Variants in SAMD5 observed in about 807,000 individuals in gnomAD.
The protein encoded by SAMD5 is sterile alpha motif domain-containing protein 5.
SAMD5 carries 13 observed loss-of-function variants against 11.3 expected under a neutral mutation model. The observed-to-expected ratio is 1.15, with a 90% CI of 0.75 to 1.83. The LOEUF is 1.83. SAMD5 is among the 40% of genes most tolerant of loss of function. The probability of loss-of-function intolerance (pLI) is 0.00; values close to 1 mark genes in which losing one functional copy is unlikely to be tolerated. For missense variants in SAMD5, 255 were observed against 239.1 expected (o/e 1.07, Z -0.44); for synonymous variants, 129 against 111.3 (o/e 1.16, Z -1.00).
chr6:147,594,409 ATAAC>A (rs972076494), intron 1 of SAMD5, among the ~76,000 whole-genome samples: 1 of 152,188 alleles, frequency 6.6e-6, no homozygotes, highest in African/African-American at 2.4e-5. Flanking sequence ...AAATGAGACT[ATAAC>A]TAAGTTCACG....
intron 1 of SAMD5, among the ~76,000 whole-genome samples, chr6:147,597,861 A>G (rs1349080694): frequency 6.6e-6 from 1 of 152,150 alleles, no homozygotes; most frequent in African/African-American, 2.4e-5. Context: ...TCCTCTGGGC[A>G]TGACTGACCC....
At chr6:147,616,468 G>T (rs530211506) in intron 1 of SAMD5, among the ~76,000 whole-genome samples, 1 of 152,102 alleles carries the variant, frequency 6.6e-6, no homozygotes, top group Non-Finnish European at 1.5e-5. Flanking sequence ...GTCTGCAGCA[G>T]TGACTGCATT....
chr6:147,690,598 G>A (rs541613732), intron 1 of SAMD5, among the ~76,000 whole-genome samples: 76 of 152,250 alleles, frequency 5.0e-4, no homozygotes, highest in African/African-American at 1.8e-3. Context: ...GCAGTGAGCC[G>A]AGATTGCACC....
intron 1 of SAMD5, among the ~76,000 whole-genome samples, chr6:147,524,140 CTCTT>C (rs1788297332): frequency 6.6e-6 from 1 of 152,108 alleles, no homozygotes; most frequent in African/African-American, 2.4e-5. Flanking sequence ...ATTTCTCTCT[CTCTT>C]AATGTGATCC....
At position 147,565,387 on chromosome 6, in the gene SAMD5, G is replaced by T. The variant is rs536742814; in HGVS notation, c.*931G>T. Reference sequence around the variant, plus strand: ...GCTGAAAAAGAAAGTAGATTGAGGTGGGGGGAGGAAATTAACAGGAATCTA... The same window carrying T: ...GCTGAAAAAGAAAGTAGATTGAGGTTGGGGGAGGAAATTAACAGGAATCTA... On this transcript the variant is annotated 3_prime_UTR_variant, in exon 2 of 2. Coordinates refer to ENST00000367474, the MANE Select transcript of SAMD5 (RefSeq NM_001030060.3). 28 of 985,400 alleles carry T rather than the reference G, an allele frequency of 2.8e-5. No individual in the cohort carries two copies. The East Asian group carries it at 3.1e-3, about 108-fold the overall frequency. The allele number at this position is 985,400 out of a possible 1,614,324, so 61.0% of individuals were successfully genotyped here.
At position 147,691,689 on chromosome 6, in the gene SAMD5, A is replaced by G. The variant is rs1032057262; in HGVS notation, c.163-45628A>G. Among the ~76,000 whole-genome samples, 56 of 152,262 alleles carry G rather than the reference A, an allele frequency of 3.7e-4. 1 individual carries two copies. Among genetic ancestry groups the G allele is most frequent in the African/African-American group, 1.2e-3 (51 of 41,550 alleles). On this transcript the variant is annotated intron_variant, in intron 1 of 1. Coordinates refer to the SAMD5 transcript ENST00000566741. ...AAAGCAACTATTTCCTTGCTTTGATAGTGTATATCTCAATCTTGACCCCAG... is the reference window on the plus strand; with the variant it reads ...AAAGCAACTATTTCCTTGCTTTGATGGTGTATATCTCAATCTTGACCCCAG...
chr6:147,574,779 A>T (rs117515788), downstream of SAMD5, among the ~76,000 whole-genome samples: 1 of 152,244 alleles, frequency 6.6e-6, no homozygotes, highest in East Asian at 1.9e-4. Context: ...TTTATGAGGA[A>T]CTTAATACCA....
intron 1 of SAMD5, among the ~76,000 whole-genome samples, chr6:147,587,966 T>C (rs1178568699): frequency 6.6e-6 from 1 of 152,218 alleles, no homozygotes; most frequent in East Asian, 1.9e-4. Flanking sequence ...CTTTGCATTT[T>C]TCAAAATATG....
chr6:147,884,644 A>T, the SAMD5 span, among the ~76,000 whole-genome samples: 1 of 90,716 alleles, frequency 1.1e-5, no homozygotes, highest in Non-Finnish European at 2.2e-5. Flanking sequence ...ATTTTAAAAA[A>T]CTTTCAACCT....
the SAMD5 span, among the ~76,000 whole-genome samples, chr6:147,907,583 T>G: frequency 6.6e-6 from 1 of 152,198 alleles, no homozygotes; most frequent in African/African-American, 2.4e-5. Flanking sequence ...GCAAATAATG[T>G]GGAGAAAACA....
intron 1 of SAMD5, among the ~76,000 whole-genome samples, chr6:147,539,876 T>G (rs1788572057): frequency 6.6e-6 from 1 of 152,138 alleles, no homozygotes; most frequent in South Asian, 2.1e-4. Context: ...AAAAAATCCT[T>G]AAAAATTTTT....
At chr6:147,722,285 T>C (rs565700221) in intron 1 of SAMD5, among the ~76,000 whole-genome samples, 8 of 152,230 alleles carry the variant, frequency 5.3e-5, no homozygotes, top group Admixed American at 5.2e-4. Context: ...TTGTGTTTTT[T>C]TTTTCCCAAA....
intron 1 of SAMD5, among the ~76,000 whole-genome samples, chr6:147,640,439 G>A (rs569891285): frequency 7.3e-6 from 1 of 136,502 alleles, no homozygotes; most frequent in South Asian, 2.6e-4. Context: ...GGAGGTTGTA[G>A]TGAGCTGAGA....
intron 1 of SAMD5, among the ~76,000 whole-genome samples, chr6:147,731,300 C>T (rs1424547606): frequency 1.3e-5 from 2 of 152,142 alleles, no homozygotes; most frequent in African/African-American, 4.8e-5. Context: ...TGCATAACAG[C>T]ATAGCCCATA....
At chr6:147,885,602 G>A in the SAMD5 span, among the ~76,000 whole-genome samples, 1 of 152,184 alleles carries the variant, frequency 6.6e-6, no homozygotes, top group African/African-American at 2.4e-5. Context: ...AAAAAATTTA[G>A]AAGCAAGCAG....
Position 147,566,556 on chromosome 6 carries a change from G to C in SAMD5, c.*2100G>C, listed in dbSNP as rs763020270. 2 of 984,074 alleles carry C rather than the reference G, an allele frequency of 2.0e-6. No homozygotes were observed. Among genetic ancestry groups the C allele is most frequent in the African/African-American group, 3.5e-5 (2 of 57,180 alleles). 61.0% of individuals were successfully genotyped at this position (984,074 alleles called of 1,614,324 possible). ...CCTTATGAGGCAATCTACTGCAATG[G>C]AAAAAGGGTTCCTTGGTCATTTCAA... is the stretch of plus-strand genomic sequence containing the variant. On this transcript the variant is annotated 3_prime_UTR_variant, in exon 2 of 2. Coordinates refer to ENST00000367474, the MANE Select transcript of SAMD5 (RefSeq NM_001030060.3).
chr6:147,546,267 C>T (rs1051545834), intron 1 of SAMD5, among the ~76,000 whole-genome samples: 1 of 152,092 alleles, frequency 6.6e-6, no homozygotes, highest in Non-Finnish European at 1.5e-5. Flanking sequence ...CGGTGGCTCA[C>T]GCCTGTAATC....
chr6:147,679,908 T>C (rs1334378593), intron 1 of SAMD5, among the ~76,000 whole-genome samples: 3 of 152,006 alleles, frequency 2.0e-5, no homozygotes, highest in Non-Finnish European at 4.4e-5. Flanking sequence ...CAAAAATCAA[T>C]TGACCATATA....
At chr6:147,885,056 T>A in the SAMD5 span, among the ~76,000 whole-genome samples, 3 of 152,218 alleles carry the variant, frequency 2.0e-5, no homozygotes, top group African/African-American at 7.2e-5. Context: ...AATCATATGC[T>A]GTGCCAATTA....
Sources: allele counts gnomAD v4.1 joint callset (sites outside exome capture counted in the v4.1 genomes callset), GRCh38; gene constraint gnomAD v4.1.1; transcripts MANE v1.5; gene names NCBI Gene and HGNC (gene_info 2026-07-23, HGNC 2026-07-21).